Variants in GPC6 observed in about 807,000 individuals in gnomAD.
GPC6 encodes glypican 6.
Under a neutral mutation model 55.2 loss-of-function variants are expected in GPC6, and 14 were observed. The observed-to-expected ratio is 0.25, with a 90% CI of 0.17 to 0.40. GPC6 has a LOEUF of 0.40. GPC6 is among the 10% of genes least tolerant of loss of function. GPC6 has a pLI of 1.00. For missense variants in GPC6, 641 were observed against 708.5 expected (o/e 0.90, Z 1.08); for synonymous variants, 278 against 259.6 (o/e 1.07, Z -0.68).
intron 4 of GPC6, among the ~76,000 whole-genome samples, chr13:94,058,801 G>C (rs1470093084): frequency 2.0e-5 from 3 of 152,112 alleles, no homozygotes; most frequent in African/African-American, 4.8e-5. Context: ...GCAAGAGTTT[G>C]GTAGGTGAAG....
At chr13:93,497,334 T>G (rs1880342728) in intron 1 of GPC6, among the ~76,000 whole-genome samples, 1 of 152,202 alleles carries the variant, frequency 6.6e-6, no homozygotes, top group South Asian at 2.1e-4. Context: ...CAGCAAATTC[T>G]TAGCTCAGGG....
intron 1 of GPC6, among the ~76,000 whole-genome samples, chr13:93,339,975 A>G (rs1039975135): frequency 1.4e-5 from 2 of 147,676 alleles, no homozygotes; most frequent in South Asian, 2.2e-4. Flanking sequence ...GTGCTAATGT[A>G]TGGTTTAGTT....
intron 4 of GPC6, among the ~76,000 whole-genome samples, chr13:94,064,247 T>G (rs369571911): frequency 6.6e-6 from 1 of 152,242 alleles, no homozygotes; most frequent in Non-Finnish European, 1.5e-5. Flanking sequence ...TCAGTTCGTC[T>G]ATCTAAAACA....
chr13:94,151,221 A>C (rs1887728966), intron 4 of GPC6, among the ~76,000 whole-genome samples: 1 of 152,122 alleles, frequency 6.6e-6, no homozygotes, highest in African/African-American at 2.4e-5. Context: ...AAAATGAAAT[A>C]TATCAAGAAA....
rs528043093 is a variant in GPC6, at chr13:94,407,871, T to C, written c.*4654T>C. Among the ~76,000 whole-genome samples the C allele has an allele frequency of 1.3e-5, 2 of 152,324 alleles. No individual in the cohort carries two copies. Among genetic ancestry groups the C allele is most frequent in the South Asian group, 2.1e-4 (1 of 4,826 alleles). ...AAATGCTTATTGAACTCTTATTCTC[T>C]ATAAACCCTGCTCTAGGGGATTTAT... On this transcript the variant is annotated 3_prime_UTR_variant, in exon 9 of 9. Coordinates refer to ENST00000377047, the MANE Select transcript of GPC6 (RefSeq NM_005708.5).
intron 5 of GPC6, among the ~76,000 whole-genome samples, chr13:94,289,386 A>G (rs1874818434): frequency 6.6e-6 from 1 of 152,292 alleles, no homozygotes; most frequent in African/African-American, 2.4e-5. Flanking sequence ...TTCACTTAAA[A>G]CTAAAAGAGC....
chr13:93,777,467 T>A (rs559346709), intron 2 of GPC6, among the ~76,000 whole-genome samples: 4 of 152,334 alleles, frequency 2.6e-5, no homozygotes, highest in African/African-American at 9.6e-5. Flanking sequence ...CAATGAGGTT[T>A]TTATTGTTTG....
intron 1 of GPC6, among the ~76,000 whole-genome samples, chr13:93,264,527 A>G (rs1351921334): frequency 6.6e-6 from 1 of 152,052 alleles, no homozygotes; most frequent in Non-Finnish European, 1.5e-5. Flanking sequence ...CTCCCACCTC[A>G]GCCTCCCACT....
chr13:94,075,201 A>G (rs1423885852), intron 4 of GPC6, among the ~76,000 whole-genome samples: 2 of 152,208 alleles, frequency 1.3e-5, no homozygotes, highest in Non-Finnish European at 2.9e-5. Context: ...AGAGTCTTCA[A>G]ACTTTAGCAT....
chr13:93,543,188 G>A (rs1421890009), intron 1 of GPC6, among the ~76,000 whole-genome samples: 3 of 152,118 alleles, frequency 2.0e-5, no homozygotes, highest in Non-Finnish European at 4.4e-5. Context: ...ATTATTTTGA[G>A]ATACGTCCCA....
chr13:93,599,810 A>G (rs748861670), intron 2 of GPC6, among the ~76,000 whole-genome samples: 10 of 152,236 alleles, frequency 6.6e-5, no homozygotes, highest in Non-Finnish European at 1.5e-4. Flanking sequence ...ACTCCTGTCC[A>G]TTTAAAAAAT....
chr13:94,024,177 G>C (rs1882807449), intron 3 of GPC6, among the ~76,000 whole-genome samples: 1 of 151,586 alleles, frequency 6.6e-6, no homozygotes, highest in Non-Finnish European at 1.5e-5. Flanking sequence ...GAGGTCTACA[G>C]ACTAGTTAAT....
chr13:93,612,599 A>G (rs1878530132), intron 2 of GPC6, among the ~76,000 whole-genome samples: 1 of 152,070 alleles, frequency 6.6e-6, no homozygotes, highest in African/African-American at 2.4e-5. Flanking sequence ...ATAAAAACTT[A>G]CTGGAAATCA....
intron 2 of GPC6, among the ~76,000 whole-genome samples, chr13:93,571,947 A>G (rs1373580244): frequency 3.3e-5 from 5 of 151,882 alleles, no homozygotes; most frequent in South Asian, 2.1e-4. Flanking sequence ...ATATTTTAAA[A>G]GACATGATCT....
chr13:94,131,478 A>G (rs1886999566), intron 4 of GPC6, among the ~76,000 whole-genome samples: 1 of 152,214 alleles, frequency 6.6e-6, no homozygotes. Flanking sequence ...GCTCTATGAT[A>G]TGAAATACAG....
At position 93,894,104 on chromosome 13, in the gene GPC6, A is replaced by T. The variant is rs534755176; in HGVS notation, c.711+63559A>T. Among the ~76,000 whole-genome samples the T allele has an allele frequency of 7.2e-5, 11 of 152,048 alleles. No homozygotes were observed. The East Asian group carries it at 1.5e-3, about 21-fold the overall frequency. ...TACCTCTTTAGTAATAAATTGATTA[A>T]TTTTTTTTGTTTCTTCTGGAAAACT... On this transcript the variant is annotated intron_variant, in intron 3 of 8. Coordinates refer to ENST00000377047, the MANE Select transcript of GPC6 (RefSeq NM_005708.5).
intron 2 of GPC6, among the ~76,000 whole-genome samples, chr13:93,809,388 G>T (rs1703494741): frequency 6.6e-6 from 1 of 152,148 alleles, no homozygotes. Flanking sequence ...ATAATGAAAG[G>T]CTCTTGTTTC....
chr13:93,611,606 C>T (rs1371632037), intron 2 of GPC6, among the ~76,000 whole-genome samples: 1 of 152,008 alleles, frequency 6.6e-6, no homozygotes, highest in African/African-American at 2.4e-5. Context: ...CTGGATAGAT[C>T]CATGTTGATA....
intron 3 of GPC6, among the ~76,000 whole-genome samples, chr13:93,977,609 A>C (rs78735762): frequency 6.6e-6 from 1 of 151,920 alleles, no homozygotes; most frequent in African/African-American, 2.4e-5. Context: ...CCAATACATG[A>C]TATTAGCAGA....
Sources: allele counts gnomAD v4.1 joint callset (sites outside exome capture counted in the v4.1 genomes callset), GRCh38; gene constraint gnomAD v4.1.1; transcripts MANE v1.5; gene names NCBI Gene and HGNC (gene_info 2026-07-23, HGNC 2026-07-21).